The following NRG1 variants were observed in gnomAD, a reference collection of about 807,000 sequenced individuals.
The protein encoded by NRG1 is neuregulin 1.
Under a neutral mutation model 63.8 loss-of-function variants are expected in NRG1, and 18 were observed. The observed-to-expected ratio is 0.28, with a 90% CI of 0.19 to 0.42. The LOEUF (loss-of-function observed/expected upper bound fraction) is 0.42, where lower values mean the gene tolerates loss of function less well. NRG1 is among the 10% of genes least tolerant of loss of function. NRG1 has a pLI of 1.00. For missense variants in NRG1, 762 were observed against 814.7 expected (o/e 0.94, Z 0.79); for synonymous variants, 302 against 301.3 (o/e 1.00, Z -0.02).
intron 1 of NRG1, among the ~76,000 whole-genome samples, chr8:31,922,305 C>T (rs901082520): frequency 1.3e-5 from 2 of 152,080 alleles, no homozygotes; most frequent in African/African-American, 4.8e-5. Flanking sequence ...TGGCTTCTCC[C>T]GTTTGCCATG....
At chr8:32,311,186 G>A (rs1856769990) in intron 1 of NRG1, among the ~76,000 whole-genome samples, 2 of 152,164 alleles carry the variant, frequency 1.3e-5, no homozygotes, top group Non-Finnish European at 2.9e-5. Context: ...TTATGTTCCA[G>A]GCACTGTTTT....
At chr8:31,853,910 A>T (rs1827539852) in intron 1 of NRG1, among the ~76,000 whole-genome samples, 1 of 151,696 alleles carries the variant, frequency 6.6e-6, no homozygotes, top group South Asian at 2.1e-4. Flanking sequence ...ATGCTGGATT[A>T]CATTTATTGA....
chr8:31,828,837 T>G (rs1178173625), intron 1 of NRG1, among the ~76,000 whole-genome samples: 1 of 152,248 alleles, frequency 6.6e-6, no homozygotes, highest in East Asian at 1.9e-4. Context: ...CTGGCTATCT[T>G]GCAGATGAAT....
intron 1 of NRG1, among the ~76,000 whole-genome samples, chr8:31,654,298 G>A (rs1009533896): frequency 6.6e-6 from 1 of 152,202 alleles, no homozygotes; most frequent in Non-Finnish European, 1.5e-5. Context: ...CAACCCAGGA[G>A]GAAATAGAAC....
chr8:31,832,694 T>G (rs1216507318), intron 1 of NRG1, among the ~76,000 whole-genome samples: 1 of 152,334 alleles, frequency 6.6e-6, no homozygotes. Context: ...ATCCTGACTT[T>G]TCCCAGAGCA....
At chr8:32,318,802 G>T (rs1801051413) in intron 1 of NRG1, among the ~76,000 whole-genome samples, 1 of 152,130 alleles carries the variant, frequency 6.6e-6, no homozygotes, top group Non-Finnish European at 1.5e-5. Flanking sequence ...TTGCAATTCA[G>T]TATCCATTAC....
At chr8:31,979,069 C>T (rs1808658125) in intron 1 of NRG1, among the ~76,000 whole-genome samples, 1 of 152,188 alleles carries the variant, frequency 6.6e-6, no homozygotes, top group Admixed American at 6.6e-5. Context: ...GAGGCTCCAT[C>T]TTACCTGCTC....
intron 1 of NRG1, among the ~76,000 whole-genome samples, chr8:32,314,033 G>C (rs993495476): frequency 6.6e-6 from 1 of 151,838 alleles, no homozygotes; most frequent in Non-Finnish European, 1.5e-5. Flanking sequence ...TTTTTTTCTT[G>C]CAATATTTGT....
intron 1 of NRG1, among the ~76,000 whole-genome samples, chr8:32,192,640 G>A (rs151075794): frequency 3.8e-4 from 58 of 152,048 alleles, no homozygotes; most frequent in Admixed American, 5.9e-4. Flanking sequence ...TACCATGCTC[G>A]GTAGTTGGGT....
intron 5 of NRG1, among the ~76,000 whole-genome samples, chr8:32,717,016 C>G (rs1351330376): frequency 6.6e-6 from 1 of 151,628 alleles, no homozygotes; most frequent in Non-Finnish European, 1.5e-5. Flanking sequence ...TGTGGAGCCC[C>G]AAAAATGGAA....
chr8:32,469,494 C>A (rs1823503336), intron 1 of NRG1, among the ~76,000 whole-genome samples: 1 of 152,084 alleles, frequency 6.6e-6, no homozygotes, highest in South Asian at 2.1e-4. Context: ...AAACTCTGAT[C>A]CCCCAAGTCC....
chr8:32,020,848 G>T (rs1816317215), intron 1 of NRG1, among the ~76,000 whole-genome samples: 1 of 151,972 alleles, frequency 6.6e-6, no homozygotes, highest in Non-Finnish European at 1.5e-5. Context: ...TCATTTATTT[G>T]GGATTTACCA....
intron 1 of NRG1, among the ~76,000 whole-genome samples, chr8:32,122,014 AT>A (rs1404636849): frequency 6.6e-6 from 1 of 151,934 alleles, no homozygotes; most frequent in Non-Finnish European, 1.5e-5. Context: ...TATTTTATTG[AT>A]TTGTCTTTTT....
At chr8:32,333,592 C>T (rs888919479) in intron 1 of NRG1, among the ~76,000 whole-genome samples, 1 of 152,088 alleles carries the variant, frequency 6.6e-6, no homozygotes, top group African/African-American at 2.4e-5. Flanking sequence ...GTAAGGGACT[C>T]ACTTAAATGT....
intron 1 of NRG1, among the ~76,000 whole-genome samples, chr8:31,707,753 A>G (rs1436995599): frequency 2.6e-5 from 4 of 151,860 alleles, no homozygotes; most frequent in Non-Finnish European, 5.9e-5. Flanking sequence ...AGTGATTTCT[A>G]TATGTTGATT....
chr8:32,409,392 C>T (rs1814566755), intron 1 of NRG1, among the ~76,000 whole-genome samples: 1 of 152,076 alleles, frequency 6.6e-6, no homozygotes, highest in South Asian at 2.1e-4. Context: ...GCAACAAAAG[C>T]AAAAATAGGC....
intron 1 of NRG1, among the ~76,000 whole-genome samples, chr8:32,135,956 A>G (rs538637741): frequency 2.2e-5 from 3 of 136,934 alleles, no homozygotes; most frequent in African/African-American, 7.5e-5. Flanking sequence ...TGCGGGAGTG[A>G]TTGTTGAGAT....
intron 1 of NRG1, among the ~76,000 whole-genome samples, chr8:32,259,609 A>G (rs1850135729): frequency 6.6e-6 from 1 of 152,128 alleles, no homozygotes; most frequent in Non-Finnish European, 1.5e-5. Context: ...GAAGACACAT[A>G]ATTACCCTCC....
At chr8:31,879,785 C>T (rs112134258) in intron 1 of NRG1, among the ~76,000 whole-genome samples, 184 of 152,244 alleles carry the variant, frequency 1.2e-3, no homozygotes, top group African/African-American at 4.2e-3. Flanking sequence ...ATTTACTTCC[C>T]TCTTATAAGT....
Sources: gnomAD v4.1 joint callset for allele counts (sites outside exome capture counted in the v4.1 genomes callset) on GRCh38, gnomAD v4.1.1 for gene constraint, MANE v1.5 for transcripts, NCBI Gene and HGNC (gene_info 2026-07-23, HGNC 2026-07-21) for gene names.